TULP4: variants seen among roughly 807,000 people sequenced by gnomAD.
The protein encoded by TULP4 is TUB like protein 4.
Under a neutral mutation model 129.0 loss-of-function variants are expected in TULP4, and 16 were observed. The observed-to-expected ratio is 0.12, with a 90% CI of 0.08 to 0.19. The LOEUF (loss-of-function observed/expected upper bound fraction) is 0.19. TULP4 is among the 10% of genes least tolerant of loss of function. The pLI is 1.00. For synonymous variants in TULP4, 998 were observed against 854.0 expected, an observed-to-expected ratio of 1.17 and a Z score of -2.94; for missense variants, 1,842 against 2,059.1, an observed-to-expected ratio of 0.89 and a Z score of 2.04.
At chr6:158,449,550 T>A (rs1779123849) in intron 4 of TULP4, among the ~76,000 whole-genome samples, 1 of 151,854 alleles carries the variant, frequency 6.6e-6, no homozygotes, top group African/African-American at 2.4e-5. Context: ...TAACTTAATA[T>A]GTGATATATC....
At chr6:158,340,451 C>T (rs1780154628) in intron 1 of TULP4, among the ~76,000 whole-genome samples, 2 of 151,984 alleles carry the variant, frequency 1.3e-5, no homozygotes, top group Non-Finnish European at 2.9e-5. Context: ...ACAGGGTGAG[C>T]GTGTGTGGGT....
intron 1 of TULP4, among the ~76,000 whole-genome samples, chr6:158,321,805 C>A (rs919473821): frequency 1.3e-5 from 2 of 152,172 alleles, no homozygotes; most frequent in Non-Finnish European, 2.9e-5. Flanking sequence ...ACTCAACAAT[C>A]TATGTTAAGT....
At chr6:158,367,208 G>C (rs1383409074) in intron 1 of TULP4, among the ~76,000 whole-genome samples, 2 of 152,214 alleles carry the variant, frequency 1.3e-5, no homozygotes, top group African/African-American at 4.8e-5. Flanking sequence ...CCCGGAAACA[G>C]CTTCTTGGGC....
At chr6:158,455,558 C>A (rs1779273323) in intron 5 of TULP4, among the ~76,000 whole-genome samples, 1 of 151,772 alleles carries the variant, frequency 6.6e-6, no homozygotes, top group South Asian at 2.1e-4. Context: ...CCAACATGGC[C>A]AAACCTTGTC....
intron 1 of TULP4, among the ~76,000 whole-genome samples, chr6:158,320,834 T>A (rs6919023): frequency 0.86 from 131,125 of 152,166 alleles, 56,912 homozygotes; most frequent in South Asian, 0.93. Context: ...TCTCACCTGA[T>A]TTCTTGGATT....
Position 158,378,485 on chromosome 6 carries a change from TGG to T in TULP4, c.253-34579_253-34578del, listed in dbSNP as rs1562541798. 1.4e-3 allele frequency among the ~76,000 whole-genome samples: 74 copies of T among 51,408 alleles called. 1 individual carries two copies. The highest frequency in any genetic ancestry group is 3.2e-3 in the South Asian group (5 of 1,562). The allele number at this position is 51,408 out of a possible 152,430, so 33.7% of individuals were successfully genotyped here. A position where few individuals can be genotyped will look rare whatever the true frequency, so the allele number is the denominator to read the frequency against. On this transcript the variant is annotated intron_variant, in intron 1 of 13. Coordinates refer to ENST00000367097, the MANE Select transcript of TULP4 (RefSeq NM_020245.5). ...CCAGTTTTTTTTTTTTTTTTTTTTT[TGG>T]TGGGGGTGGGGGTGGGAGATGGAAT...
At chr6:158,421,361 CA>C (rs71030167) in intron 2 of TULP4, among the ~76,000 whole-genome samples, 69,947 of 142,080 alleles carry the variant, frequency 0.49, 17,694 homozygotes, top group African/African-American at 0.69. Flanking sequence ...GGCTCCGTCT[CA>C]AAAAAAAAAA....
At chr6:158,317,752 G>A (rs1779523950) in intron 1 of TULP4, among the ~76,000 whole-genome samples, 1 of 152,174 alleles carries the variant, frequency 6.6e-6, no homozygotes, top group Non-Finnish European at 1.5e-5. Context: ...CACAATGGTT[G>A]AACTAGTCTA....
intron 1 of TULP4, among the ~76,000 whole-genome samples, chr6:158,314,726 G>A (rs1371055421): frequency 1.3e-5 from 2 of 152,202 alleles, no homozygotes; most frequent in African/African-American, 4.8e-5. Flanking sequence ...TAACATCTAC[G>A]TTCCTTTGGT....
At chr6:158,256,024 A>T (rs1778235438) in intron 1 of TULP4, among the ~76,000 whole-genome samples, 1 of 152,122 alleles carries the variant, frequency 6.6e-6, no homozygotes, top group Non-Finnish European at 1.5e-5. Context: ...TTATAGGTTT[A>T]AGTACTGGGC....
intron 8 of TULP4, among the ~76,000 whole-genome samples, chr6:158,484,871 A>G (rs534908007): frequency 6.6e-6 from 1 of 152,376 alleles, no homozygotes; most frequent in Non-Finnish European, 1.5e-5. Context: ...CACACGCATA[A>G]TACTGGTTTT....
intron 1 of TULP4, among the ~76,000 whole-genome samples, chr6:158,412,390 A>G (rs1778116273): frequency 6.6e-6 from 1 of 152,122 alleles, no homozygotes; most frequent in East Asian, 1.9e-4. Context: ...TCCGGCACTC[A>G]CCTATTCTCA....
At position 158,502,697 on chromosome 6, in the gene TULP4, C is replaced by T. The variant is rs764709846; in HGVS notation, c.3034C>T (p.Leu1012=). The change falls in exon 13 of 14, where the codon CTG becomes TTG. Residue 1012 remains leucine, a synonymous_variant. Transcript: ENST00000367097. Reference sequence around the variant, plus strand: ...CAGCCCGCGGGCCCCCCTGCAGCCCCTGGCCAAGTCCAAGGGCGGGCCCGG... The same window carrying T: ...CAGCCCGCGGGCCCCCCTGCAGCCCTTGGCCAAGTCCAAGGGCGGGCCCGG... The part of the protein sequence containing the change: ...ADSPRAPLQP[L]AKSKGGPGGV... 1 of 1,558,774 alleles carries T rather than the reference C, an allele frequency of 6.4e-7. No individual in the cohort carries two copies. Among genetic ancestry groups the T allele is most frequent in the Non-Finnish European group, 8.6e-7 (1 of 1,157,686 alleles).
At chr6:158,352,131 C>T (rs1780539588) in intron 1 of TULP4, among the ~76,000 whole-genome samples, 3 of 152,058 alleles carry the variant, frequency 2.0e-5, no homozygotes, top group Admixed American at 6.5e-5. Flanking sequence ...GCTGCAGTCT[C>T]AAAAGTGGAA....
intron 2 of TULP4, among the ~76,000 whole-genome samples, chr6:158,425,380 G>A (rs1211018840): frequency 6.6e-6 from 1 of 151,284 alleles, no homozygotes; most frequent in Non-Finnish European, 1.5e-5. Flanking sequence ...AGGTATGGTA[G>A]CAGGCGCCTG....
At chr6:158,279,231 C>T (rs531074267), upstream of TULP4, among the ~76,000 whole-genome samples, 16 of 152,150 alleles carry the variant, frequency 1.1e-4, no homozygotes, top group South Asian at 4.2e-4. Flanking sequence ...CTTGAGCCAC[C>T]GCGCCCGGCC....
At chr6:158,421,693 A>G (rs1778346342) in intron 2 of TULP4, among the ~76,000 whole-genome samples, 1 of 152,220 alleles carries the variant, frequency 6.6e-6, no homozygotes, top group African/African-American at 2.4e-5. Context: ...TACAGATGCA[A>G]ATTTTTCCCC....
At chr6:158,333,002 C>T (rs1241262796) in intron 1 of TULP4, among the ~76,000 whole-genome samples, 1 of 152,000 alleles carries the variant, frequency 6.6e-6, no homozygotes, top group Admixed American at 6.6e-5. Flanking sequence ...GAATTTACAC[C>T]AGTATTTCCA....
At chr6:158,357,013 T>C (rs77120721) in intron 1 of TULP4, among the ~76,000 whole-genome samples, 3,446 of 152,256 alleles carry the variant, frequency 0.023, 157 homozygotes, top group East Asian at 0.21. Flanking sequence ...CACAGAATAA[T>C]AGTGGCTGAC....
Sources: gnomAD v4.1 joint callset for allele counts (sites outside exome capture counted in the v4.1 genomes callset) on GRCh38, gnomAD v4.1.1 for gene constraint, MANE v1.5 for transcripts, NCBI Gene and HGNC (gene_info 2026-07-23, HGNC 2026-07-21) for gene names.